The following SLC35B4 variants were observed in gnomAD, a reference collection of about 807,000 sequenced individuals.
SLC35B4 encodes the protein solute carrier family 35 member B4.
In SLC35B4, 28 loss-of-function variants were observed where a neutral mutation model predicts 39.5. That is an observed-to-expected ratio of 0.71 (90% CI 0.53 to 0.97). The LOEUF (loss-of-function observed/expected upper bound fraction) is 0.97. SLC35B4 is among the 50% of genes least tolerant of loss of function. The pLI, the probability that SLC35B4 is intolerant of heterozygous loss-of-function variation, is 0.00. For missense variants in SLC35B4, 334 were observed against 414.3 expected, an observed-to-expected ratio of 0.81 and a Z score of 1.68; for synonymous variants, 145 against 150.4, an observed-to-expected ratio of 0.96 and a Z score of 0.26.
intron 1 of SLC35B4, among the ~76,000 whole-genome samples, chr7:134,311,262 T>C (rs575480704): frequency 2.0e-5 from 3 of 152,298 alleles, no homozygotes; most frequent in Admixed American, 6.5e-5. Flanking sequence ...TTAAAACCAT[T>C]AGCCTAAATA....
intron 1 of SLC35B4, among the ~76,000 whole-genome samples, chr7:134,313,048 T>C (rs1225007339): frequency 6.6e-6 from 1 of 152,234 alleles, no homozygotes; most frequent in East Asian, 1.9e-4. Flanking sequence ...ATCTCCCTAA[T>C]GTACTCAAAT....
In SLC35B4 at chr7:134,290,917, C is replaced by G. The variant is rs549317373; in HGVS notation, c.*3916G>C. ...TCTCCTCCATGTGCATTTCTCTGTC[C>G]GTTTAGGTCAATGCCAACTGGTCCA... On this transcript the variant is annotated 3_prime_UTR_variant, in exon 10 of 10. Coordinates refer to ENST00000378509, the MANE Select transcript of SLC35B4 (RefSeq NM_032826.5). 1.3e-5 allele frequency: 2 copies of G among 152,196 alleles called. No individual in the cohort carries two copies. Among genetic ancestry groups the G allele is most frequent in the Non-Finnish European group, 2.9e-5 (2 of 68,044 alleles). 9.4% of individuals were successfully genotyped at this position (152,196 alleles called of 1,614,324 possible).
chr7:134,303,483 T>G (rs2117296993), intron 4 of SLC35B4, among the ~76,000 whole-genome samples: 1 of 150,866 alleles, frequency 6.6e-6, no homozygotes, highest in Non-Finnish European at 1.5e-5. Flanking sequence ...ATATATATGT[T>G]TAAATGCAGA....
chr7:134,300,294 G>C (rs1563215379), intron 6 of SLC35B4, 33 bp from the exon 7 acceptor site: 1 of 1,453,706 alleles, frequency 6.9e-7, no homozygotes, highest in Non-Finnish European at 9.5e-7. Context: ...CAAGATGTCT[G>C]CATTTGTTCA....
intron 6 of SLC35B4, among the ~76,000 whole-genome samples, chr7:134,300,604 G>C (rs1166657863): frequency 2.0e-5 from 3 of 152,078 alleles, no homozygotes; most frequent in African/African-American, 7.2e-5. Flanking sequence ...CTATGATATG[G>C]ATGTAGCACA....
intron 1 of SLC35B4, among the ~76,000 whole-genome samples, chr7:134,313,422 T>A (rs1050738593): frequency 2.0e-5 from 3 of 152,168 alleles, no homozygotes; most frequent in Non-Finnish European, 2.9e-5. Flanking sequence ...GGAAAAAAAA[T>A]GTTTCAGATT....
chr7:134,293,815 T>TA lies in SLC35B4; in HGVS notation c.*1017dup, dbSNP rs1585630984. On this transcript the variant is annotated 3_prime_UTR_variant, in exon 10 of 10. Coordinates refer to ENST00000378509, the MANE Select transcript of SLC35B4 (RefSeq NM_032826.5). ...TTCTTTTTTTTTTTTTTTTTTGAGA[T>TA]AGAGTCTCACTCTGTCACCCAGGCG... 2.7e-5 allele frequency: 4 copies of TA among 150,056 alleles called. No homozygotes were observed. Among genetic ancestry groups the TA allele is most frequent in the Admixed American group, 2.0e-4 (3 of 15,028 alleles). The allele number at this position is 150,056 out of a possible 1,614,324, so 9.3% of individuals were successfully genotyped here. A position where few individuals can be genotyped will look rare whatever the true frequency, so the allele number is the denominator to read the frequency against.
chr7:134,297,327 T>A (rs1803490118), intron 8 of SLC35B4, among the ~76,000 whole-genome samples: 1 of 152,226 alleles, frequency 6.6e-6, no homozygotes, highest in Admixed American at 6.5e-5. Context: ...AAAAATCAAT[T>A]TCATAATCCT....
At chr7:134,316,381 C>A (rs140798276) in intron 1 of SLC35B4, among the ~76,000 whole-genome samples, 15 of 152,346 alleles carry the variant, frequency 9.8e-5, no homozygotes, top group African/African-American at 2.4e-4. Flanking sequence ...TTCAATACCC[C>A]CCGAGTGTGG....
At chr7:134,304,665 TG>T in intron 4 of SLC35B4, 139 bp downstream of exon 4, 1 of 633,344 alleles carries the variant, frequency 1.6e-6, no homozygotes, top group Non-Finnish European at 2.8e-6. Context: ...TGGGCCTCAC[TG>T]GTAAAGAACT....
intron 1 of SLC35B4, among the ~76,000 whole-genome samples, chr7:134,309,746 C>A (rs1803792151): frequency 1.3e-5 from 2 of 152,202 alleles, no homozygotes; most frequent in Non-Finnish European, 2.9e-5. Flanking sequence ...GTTCCCAGAA[C>A]TACGATACAG....
chr7:134,316,264 G>C (rs1554485637), intron 1 of SLC35B4, among the ~76,000 whole-genome samples: 3 of 152,210 alleles, frequency 2.0e-5, no homozygotes. Flanking sequence ...CGAAAAAAGA[G>C]CTAGAGTTGG....
rs766391904 is a variant in SLC35B4 at position 134,299,555 on chromosome 7, A to G, written c.641T>C (p.Ile214Thr). 6.2e-7 allele frequency: 1 copy of G among 1,614,078 alleles called. No individual in the cohort carries two copies. Among genetic ancestry groups the G allele is most frequent in the Non-Finnish European group, 8.5e-7 (1 of 1,179,946 alleles). ...LPGFVFLASD[I>T]YDHAVLFNKS... The stretch of plus-strand genomic sequence containing the variant: ...ATTGAATAGAACTGCATGGTCATAA[A>G]TATCAGAAGCCAAGAAGACGAAACC... Residue 214 changes from isoleucine (I) to threonine (T), a missense_variant, in exon 8 of 10, where the codon ATT becomes ACT. Transcript: ENST00000378509.
At chr7:134,314,126 A>AT (rs1376221083) in intron 1 of SLC35B4, among the ~76,000 whole-genome samples, 4 of 152,224 alleles carry the variant, frequency 2.6e-5, no homozygotes, top group African/African-American at 9.6e-5. Flanking sequence ...ATAAAATTAG[A>AT]TTTGTCCACG....
At chr7:134,299,092 T>A (rs2117286000) in intron 8 of SLC35B4, among the ~76,000 whole-genome samples, 1 of 152,348 alleles carries the variant, frequency 6.6e-6, no homozygotes, top group East Asian at 1.9e-4. Context: ...TGAGCTCCCC[T>A]CTTGCTCTGC....
chr7:134,299,682 T>A, intron 7 of SLC35B4, 84 bp from the exon 8 acceptor site: 1 of 1,188,426 alleles, frequency 8.4e-7, no homozygotes, highest in South Asian at 1.4e-5. Context: ...TTAAAAGTCG[T>A]ACAGGTTGTT....
At chr7:134,308,928 A>T (rs1249457530) in intron 2 of SLC35B4, among the ~76,000 whole-genome samples, 1 of 152,260 alleles carries the variant, frequency 6.6e-6, no homozygotes, top group Non-Finnish European at 1.5e-5. Context: ...TTTTAAAGTG[A>T]ACAATTCCGT....
chr7:134,309,600 C>G, intron 1 of SLC35B4, 121 bp from the exon 2 acceptor site: 1 of 680,406 alleles, frequency 1.5e-6, no homozygotes, highest in South Asian at 1.7e-5. Context: ...ACCCACTGTC[C>G]TTTATCTCAA....
At chr7:134,301,946 TA>T (rs1803590740) in intron 5 of SLC35B4, 82 bp downstream of exon 5, 4 of 1,525,486 alleles carry the variant, frequency 2.6e-6, no homozygotes, top group Non-Finnish European at 3.6e-6. Flanking sequence ...TTGTATTACA[TA>T]AAAATTTGAA....
Sources: gnomAD v4.1 joint callset for allele counts (sites outside exome capture counted in the v4.1 genomes callset) on GRCh38, gnomAD v4.1.1 for gene constraint, MANE v1.5 for transcripts, NCBI Gene and HGNC (gene_info 2026-07-23, HGNC 2026-07-21) for gene names.